VWA8: variants seen among roughly 807,000 people sequenced by gnomAD.
VWA8 encodes von Willebrand factor A domain containing 8.
VWA8 carries 221 observed loss-of-function variants against 241.5 expected under a neutral mutation model. The ratio of observed to expected loss-of-function variants is 0.91; its 90% CI spans 0.82 to 1.02. VWA8 has a LOEUF of 1.02. VWA8 is among the 50% of genes least tolerant of loss of function. The probability of loss-of-function intolerance (pLI) is 0.00; values close to 1 mark genes in which losing one functional copy is unlikely to be tolerated. For synonymous variants in VWA8, 852 were observed against 827.1 expected, an observed-to-expected ratio of 1.03 and a Z score of -0.52; for missense variants, 2,322 against 2,328.7, an observed-to-expected ratio of 1.00 and a Z score of 0.06.
At chr13:41,589,752 G>A (rs756478402) in intron 41 of VWA8, among the ~76,000 whole-genome samples, 3 of 152,200 alleles carry the variant, frequency 2.0e-5, no homozygotes, top group African/African-American at 4.8e-5. Context: ...CACCTGGACA[G>A]ACTTCGGTCA....
intron 21 of VWA8, among the ~76,000 whole-genome samples, chr13:41,747,334 C>T (rs1303524019): frequency 6.6e-6 from 1 of 152,032 alleles, no homozygotes; most frequent in African/African-American, 2.4e-5. Flanking sequence ...AGTTGGATTC[C>T]TAGGTATTTT....
intron 4 of VWA8, among the ~76,000 whole-genome samples, chr13:41,901,739 A>G (rs1416238043): frequency 6.6e-6 from 1 of 150,834 alleles, no homozygotes; most frequent in East Asian, 2.0e-4. Flanking sequence ...GATGGTGCGC[A>G]CCTGTAGTCC....
At position 41,691,302 on chromosome 13, in the gene VWA8, C is replaced by T; in HGVS notation, c.3866+18G>A. The T allele has an allele frequency of 6.2e-7, 1 of 1,609,890 alleles. No individual in the cohort carries two copies. Among genetic ancestry groups the T allele is most frequent in the Non-Finnish European group, 8.5e-7 (1 of 1,177,480 alleles). ...GAGCTACAACATACTCCATGATACA[C>T]TATATAAAGCCACTCACTGATTTGT... On this transcript the variant is annotated intron_variant, in intron 32 of 44. Coordinates refer to ENST00000379310, the MANE Select transcript of VWA8 (RefSeq NM_015058.2).
chr13:41,814,048 ATTC>A (rs1255022613), intron 16 of VWA8, among the ~76,000 whole-genome samples: 12 of 152,174 alleles, frequency 7.9e-5, no homozygotes, highest in African/African-American at 4.8e-5. Context: ...TTATTTTTCT[ATTC>A]TTCATTTTTA....
chr13:41,597,238 C>G (rs1052899238), intron 40 of VWA8, among the ~76,000 whole-genome samples: 1 of 152,012 alleles, frequency 6.6e-6, no homozygotes, highest in African/African-American at 2.4e-5. Flanking sequence ...CATGCTCAAC[C>G]AACATATATT....
At chr13:41,817,870 T>G (rs1870765812) in intron 15 of VWA8, among the ~76,000 whole-genome samples, 1 of 152,210 alleles carries the variant, frequency 6.6e-6, no homozygotes, top group Admixed American at 6.5e-5. Context: ...CAATAGAACC[T>G]TCTATGATGA....
At chr13:41,608,675 T>G (rs916848754) in intron 39 of VWA8, among the ~76,000 whole-genome samples, 2 of 152,200 alleles carry the variant, frequency 1.3e-5, no homozygotes, top group African/African-American at 4.8e-5. Flanking sequence ...TTGCAAATGG[T>G]AGTGGATGCA....
chr13:41,800,377 T>G (rs149970265), intron 17 of VWA8, among the ~76,000 whole-genome samples: 1 of 152,234 alleles, frequency 6.6e-6, no homozygotes, highest in African/African-American at 2.4e-5. Context: ...TAACAATTAC[T>G]TATTATATTT....
chr13:41,832,326 T>G (rs1477202675), intron 13 of VWA8, among the ~76,000 whole-genome samples: 1 of 152,188 alleles, frequency 6.6e-6, no homozygotes, highest in Non-Finnish European at 1.5e-5. Flanking sequence ...AGGTACTCAA[T>G]TAATGGTAGT....
chr13:41,721,194 G>T (rs2045387138), intron 25 of VWA8, among the ~76,000 whole-genome samples, 176 bp downstream of exon 25: 1 of 152,082 alleles, frequency 6.6e-6, no homozygotes. Flanking sequence ...AAGCTGAACA[G>T]ATAATAATGT....
chr13:41,749,453 C>T (rs2045636575), intron 21 of VWA8, among the ~76,000 whole-genome samples: 1 of 149,686 alleles, frequency 6.7e-6, no homozygotes, highest in Non-Finnish European at 1.5e-5. Context: ...GTGGCAATTC[C>T]TCAGGGATCT....
intron 37 of VWA8, among the ~76,000 whole-genome samples, chr13:41,652,168 T>C (rs552631747): frequency 6.6e-6 from 1 of 152,282 alleles, no homozygotes; most frequent in South Asian, 2.1e-4. Context: ...CCATCCACAT[T>C]GCCTGTCTGG....
chr13:41,911,897 T>G, intron 3 of VWA8, 141 bp downstream of exon 3: 1 of 1,093,108 alleles, frequency 9.1e-7, no homozygotes, highest in Non-Finnish European at 1.2e-6. Context: ...CCAAACACTT[T>G]ATAAACAAAT....
chr13:41,655,498 AG>A (rs2044898199), intron 37 of VWA8, among the ~76,000 whole-genome samples: 1 of 139,752 alleles, frequency 7.2e-6, no homozygotes, highest in Non-Finnish European at 1.5e-5. Flanking sequence ...ACAGAGAGAG[AG>A]AGAGAGAGAG....
chr13:41,833,973 T>C (rs1260845222), intron 12 of VWA8, among the ~76,000 whole-genome samples: 1 of 152,200 alleles, frequency 6.6e-6, no homozygotes, highest in African/African-American at 2.4e-5. Context: ...GCAGAGATGT[T>C]TATCAATAAT....
intron 9 of VWA8, among the ~76,000 whole-genome samples, chr13:41,879,334 C>T (rs551425075): frequency 2.6e-4 from 40 of 151,042 alleles, no homozygotes; most frequent in Non-Finnish European, 5.6e-4. Flanking sequence ...GCTGTTCCTC[C>T]TCCTCCTTCT....
intron 7 of VWA8, 99 bp from the exon 8 acceptor site, chr13:41,886,127 A>T: frequency 1.3e-6 from 1 of 794,952 alleles, no homozygotes. Flanking sequence ...AATCTAAAAA[A>T]GATCCCTAAT....
At chr13:41,897,175 G>C (rs1243628106) in intron 4 of VWA8, among the ~76,000 whole-genome samples, 1 of 151,884 alleles carries the variant, frequency 6.6e-6, no homozygotes, top group African/African-American at 2.4e-5. Context: ...AAGAGAATAA[G>C]AGGACAAATA....
chr13:41,648,119 T>C (rs17449465), intron 37 of VWA8, among the ~76,000 whole-genome samples: 2,943 of 152,338 alleles, frequency 0.019, 39 homozygotes, highest in Middle Eastern at 0.061. Context: ...AGAGCTTTCC[T>C]AACACAATAG....
Sources: allele counts gnomAD v4.1 joint callset (sites outside exome capture counted in the v4.1 genomes callset), GRCh38; gene constraint gnomAD v4.1.1; transcripts MANE v1.5; gene names NCBI Gene and HGNC (gene_info 2026-07-23, HGNC 2026-07-21).